CEP135: variants seen among roughly 807,000 people sequenced by gnomAD.
CEP135 encodes the protein centrosomal protein 135, also known as centrosomal protein of 135 kDa.
CEP135 carries 142 observed loss-of-function variants against 157.3 expected under a neutral mutation model. The observed-to-expected ratio is 0.90, with a 90% CI of 0.79 to 1.04. The LOEUF is 1.04. Among genes scored for constraint, CEP135 ranks in the 50% least tolerant of loss-of-function variants. The pLI, the probability that CEP135 is intolerant of heterozygous loss-of-function variation, is 0.00. For missense variants in CEP135, 1,317 were observed against 1,309.2 expected, an observed-to-expected ratio of 1.01 and a Z score of -0.09; for synonymous variants, 396 against 439.8, an observed-to-expected ratio of 0.90 and a Z score of 1.25.
intron 21 of CEP135, among the ~76,000 whole-genome samples, chr4:56,015,802 G>A (rs1730752852): frequency 6.6e-6 from 1 of 152,180 alleles, no homozygotes; most frequent in Admixed American, 6.6e-5. Context: ...TTCAGATGAT[G>A]CTTAGATGAG....
At chr4:56,001,193 C>T (rs1730159264) in intron 17 of CEP135, among the ~76,000 whole-genome samples, 1 of 151,982 alleles carries the variant, frequency 6.6e-6, no homozygotes, top group Non-Finnish European at 1.5e-5. Flanking sequence ...ATATTTTCTC[C>T]CATTCTGTAG....
chr4:55,977,541 G>C (rs1729263408), intron 11 of CEP135, among the ~76,000 whole-genome samples: 1 of 152,164 alleles, frequency 6.6e-6, no homozygotes, highest in Non-Finnish European at 1.5e-5. Flanking sequence ...GAGCTAATTT[G>C]TCAGTTTTAT....
At chr4:55,971,537 A>G in intron 10 of CEP135, 129 bp downstream of exon 10, 1 of 874,738 alleles carries the variant, frequency 1.1e-6, no homozygotes, top group East Asian at 3.0e-5. Flanking sequence ...TTAGTCAAAA[A>G]CCATAGTAGT....
At chr4:55,997,623 C>T (rs1223332482) in intron 15 of CEP135, among the ~76,000 whole-genome samples, 1 of 152,166 alleles carries the variant, frequency 6.6e-6, no homozygotes, top group Non-Finnish European at 1.5e-5. Context: ...AGTAGAAGAA[C>T]ATTGTTATAA....
chr4:56,002,615 A>G (rs768515052), intron 17 of CEP135, among the ~76,000 whole-genome samples: 11 of 152,164 alleles, frequency 7.2e-5, no homozygotes, highest in Non-Finnish European at 1.5e-4. Flanking sequence ...AATTTATTTA[A>G]AAAATATTGT....
intron 12 of CEP135, among the ~76,000 whole-genome samples, 193 bp downstream of exon 12, chr4:55,980,488 C>A (rs1368836779): frequency 6.6e-6 from 1 of 151,992 alleles, no homozygotes; most frequent in Non-Finnish European, 1.5e-5. Context: ...CATATTTATT[C>A]TTTCCCTTTT....
At chr4:56,008,976 C>T (rs1730462371) in intron 18 of CEP135, among the ~76,000 whole-genome samples, 1 of 152,188 alleles carries the variant, frequency 6.6e-6, no homozygotes, top group African/African-American at 2.4e-5. Flanking sequence ...CTGCTCACGG[C>T]AACCTCACCC....
intron 17 of CEP135, among the ~76,000 whole-genome samples, chr4:56,000,912 T>C (rs1730145573): frequency 6.6e-6 from 1 of 152,136 alleles, no homozygotes; most frequent in Non-Finnish European, 1.5e-5. Flanking sequence ...CTTTCCAGCA[T>C]CGGTTATTCC....
chr4:55,962,130 C>A (rs1178115183), intron 6 of CEP135, among the ~76,000 whole-genome samples: 3 of 151,734 alleles, frequency 2.0e-5, no homozygotes, highest in Non-Finnish European at 2.9e-5. Flanking sequence ...GACGGAGTCT[C>A]CCTCTGTCGC....
intron 13 of CEP135, among the ~76,000 whole-genome samples, chr4:55,983,361 A>G (rs1729474329): frequency 6.6e-6 from 1 of 152,214 alleles, no homozygotes; most frequent in African/African-American, 2.4e-5. Context: ...GTGAGTTTAC[A>G]ACAGATCTTT....
chr4:56,020,713 A>G lies in CEP135; in HGVS notation c.3253A>G (p.Lys1085Glu), dbSNP rs1365929476. The change falls in exon 24 of 26, where the codon AAA (lysine) becomes GAA (glutamate). Residue 1085 changes from lysine to glutamate, a missense_variant. Lys to Glu is a moderately conservative substitution (Grantham distance 56). Coordinates refer to ENST00000257287, the MANE Select transcript of CEP135 (RefSeq NM_025009.5). The part of the protein sequence containing the change: ...QSRENTMLRA[K>E]VAQLQTDYDA... ...CCGGGAAAACACCATGCTTCGAGCT[A>G]AAGTGGCACAGTTACAAACAGATTA... The G allele has an allele frequency of 1.2e-6, 2 of 1,613,792 alleles. No homozygotes were observed. The highest frequency in any genetic ancestry group is 8.5e-7 in the Non-Finnish European group (1 of 1,179,810).
In CEP135 at chr4:56,011,323, C is replaced by G. The variant is rs867374680; in HGVS notation, c.2506-89C>G. The G allele has an allele frequency of 1.7e-5, 15 of 882,394 alleles. No individual in the cohort carries two copies. The Middle Eastern group carries it at 8.8e-4, about 52-fold the overall frequency. The allele number at this position is 882,394 out of a possible 1,614,324, so 54.7% of individuals were successfully genotyped here. A position where few individuals can be genotyped will look rare whatever the true frequency, so the allele number is the denominator to read the frequency against. On this transcript the variant is annotated intron_variant, in intron 19 of 25. Transcript: ENST00000257287. ...TCCTTTTGCCCTACTCTATCTTATTCTCCAATTCCAAAGGAATTATTTGAA... is the reference window on the plus strand; with the variant it reads ...TCCTTTTGCCCTACTCTATCTTATTGTCCAATTCCAAAGGAATTATTTGAA...
chr4:56,021,526 T>C (rs1208462726), intron 24 of CEP135, among the ~76,000 whole-genome samples: 2 of 152,160 alleles, frequency 1.3e-5, no homozygotes, highest in African/African-American at 2.4e-5. Context: ...AACTTGAAAA[T>C]CAGTTGCCAA....
rs867043890 is a variant in CEP135, at chr4:55,969,445, A to G, written c.1110+317A>G. ...TCCATCTTTAAAAAAAAAAAAAAAAAAAAGAAAAGAAAATTTGTATGCTTT... is the reference window on the plus strand; with the variant it reads ...TCCATCTTTAAAAAAAAAAAAAAAAGAAAGAAAAGAAAATTTGTATGCTTT... On this transcript the variant is annotated intron_variant, in intron 9 of 25. Coordinates refer to ENST00000257287, the MANE Select transcript of CEP135 (RefSeq NM_025009.5). Among the ~76,000 whole-genome samples, 516 of 151,756 alleles carry G rather than the reference A, an allele frequency of 3.4e-3. 3 individuals carry two copies. Among genetic ancestry groups the G allele is most frequent in the African/African-American group, 0.01 (420 of 41,418 alleles).
chr4:56,014,958 G>A (rs1438454943), intron 21 of CEP135, among the ~76,000 whole-genome samples: 1 of 152,032 alleles, frequency 6.6e-6, no homozygotes, highest in Non-Finnish European at 1.5e-5. Context: ...TACTTGGGGG[G>A]CTGAGCCCAG....
chr4:56,030,545 C>T (rs2109759311), intron 25 of CEP135, among the ~76,000 whole-genome samples: 1 of 152,320 alleles, frequency 6.6e-6, no homozygotes, highest in Admixed American at 6.5e-5. Context: ...GCCTTGAACT[C>T]CTGGGCTCAA....
intron 22 of CEP135, 141 bp from the exon 23 acceptor site, chr4:56,019,212 C>T: frequency 1.6e-6 from 1 of 610,946 alleles, no homozygotes; most frequent in Non-Finnish European, 2.8e-6. Flanking sequence ...CTTAAAGAAA[C>T]AGTTCATAAT....
intron 25 of CEP135, among the ~76,000 whole-genome samples, chr4:56,028,343 A>G (rs927584910): frequency 7.9e-5 from 12 of 152,188 alleles, no homozygotes; most frequent in Admixed American, 6.5e-5. Context: ...CCAGCAATGC[A>G]TGAGGGTTCC....
intron 17 of CEP135, among the ~76,000 whole-genome samples, chr4:56,006,411 C>G (rs1730347658): frequency 6.6e-6 from 1 of 152,096 alleles, no homozygotes; most frequent in South Asian, 2.1e-4. Context: ...TTTCTCAATT[C>G]TAAGATTTGT....
Sources: gnomAD v4.1 joint callset for allele counts (sites outside exome capture counted in the v4.1 genomes callset) on GRCh38, gnomAD v4.1.1 for gene constraint, MANE v1.5 for transcripts, NCBI Gene and HGNC (gene_info 2026-07-23, HGNC 2026-07-21) for gene names.